Variants in MROH1 observed in about 807,000 individuals in gnomAD.
MROH1 encodes the protein maestro heat like repeat family member 1, also known as maestro heat-like repeat-containing protein family member 1.
A neutral mutation model predicts 116.5 loss-of-function variants in MROH1; 117 were observed. That is an observed-to-expected ratio of 1.00 (90% CI 0.86 to 1.17). The LOEUF is 1.17. MROH1 is among the 50% of genes most tolerant of loss of function. The pLI is 0.00. For missense variants in MROH1, 1,873 were observed against 1,338.5 expected, an observed-to-expected ratio of 1.40 and a Z score of -6.23; for synonymous variants, 921 against 583.9, an observed-to-expected ratio of 1.58 and a Z score of -8.32.
chr8:144,209,287 C>T (rs781719643), intron 12 of MROH1, among the ~76,000 whole-genome samples: 7 of 152,000 alleles, frequency 4.6e-5, no homozygotes, highest in Middle Eastern at 3.4e-3. Flanking sequence ...ATTGAAAAAT[C>T]GTTAGTATAG....
chr8:144,255,135 C>T (rs1052604250), intron 34 of MROH1, among the ~76,000 whole-genome samples, 157 bp downstream of exon 34: 21 of 152,234 alleles, frequency 1.4e-4, no homozygotes, highest in Non-Finnish European at 2.8e-4. Flanking sequence ...CTCGTAAAGG[C>T]CTCACAGGTG....
intron 32 of MROH1, among the ~76,000 whole-genome samples, chr8:144,249,818 G>A (rs1400721506): frequency 6.6e-6 from 1 of 152,216 alleles, no homozygotes; most frequent in Non-Finnish European, 1.5e-5. Flanking sequence ...AGTGCCGTTG[G>A]CAGCTGTGTG....
intron 30 of MROH1, 47 bp from the exon 31 acceptor site, chr8:144,247,520 C>T (rs996128789): frequency 4.3e-5 from 33 of 759,454 alleles, no homozygotes; most frequent in Non-Finnish European, 7.1e-5. Flanking sequence ...GCTGTGGGAT[C>T]GCCAGGGAGG....
intron 28 of MROH1, among the ~76,000 whole-genome samples, chr8:144,244,795 G>A (rs1841605863): frequency 6.6e-6 from 1 of 152,204 alleles, no homozygotes; most frequent in African/African-American, 2.4e-5. Flanking sequence ...AGGGGCCCAC[G>A]GGTACCCATG....
chr8:144,241,546 G>T, intron 22 of MROH1, 29 bp downstream of exon 22: 1 of 777,538 alleles, frequency 1.3e-6, no homozygotes, highest in Non-Finnish European at 2.4e-6. Context: ...CAGGGCTGGG[G>T]ACGGCTGTCT....
chr8:144,225,793 CA>C (rs1405492403), intron 14 of MROH1, among the ~76,000 whole-genome samples: 1 of 150,124 alleles, frequency 6.7e-6, no homozygotes, highest in East Asian at 2.0e-4. Context: ...CTCCTGACCT[CA>C]GGTGATCTGC....
chr8:144,250,446 C>T, intron 33 of MROH1, 80 bp downstream of exon 33: 1 of 704,986 alleles, frequency 1.4e-6, no homozygotes, highest in South Asian at 1.5e-5. Context: ...AGCCCTCCAC[C>T]CGGCTCTGCA....
chr8:144,192,410 C>T lies in MROH1; in HGVS notation c.948+9C>T, dbSNP rs117639997. ...CTGCACTGCACTCCCAGGTAGGAGG[C>T]GGGCGTCAGGGGGCGGGTCCAGGTT... is the stretch of plus-strand genomic sequence containing the variant. On this transcript the variant is annotated intron_variant, in intron 10 of 43. Transcript: ENST00000326134. 5.6e-4 allele frequency: 886 copies of T among 1,577,950 alleles called. 12 individuals carry two copies. In the East Asian group the frequency reaches 0.017, roughly 30 times the overall value.
intron 14 of MROH1, among the ~76,000 whole-genome samples, chr8:144,236,059 T>G (rs1839985142): frequency 6.6e-6 from 1 of 152,232 alleles, no homozygotes; most frequent in Admixed American, 6.5e-5. Flanking sequence ...TTTAGCTGCT[T>G]TCTGGTATAG....
chr8:144,159,079 C>A (rs1338685824), intron 1 of MROH1, among the ~76,000 whole-genome samples: 1 of 151,920 alleles, frequency 6.6e-6, no homozygotes, highest in South Asian at 2.1e-4. Context: ...GACAGAGGGC[C>A]GGGCACAGTG....
At chr8:144,159,633 A>G (rs1819001818) in intron 1 of MROH1, among the ~76,000 whole-genome samples, 2 of 152,210 alleles carry the variant, frequency 1.3e-5, no homozygotes, top group South Asian at 4.1e-4. Context: ...TTTCTCAAAC[A>G]TATGAAATAG....
chr8:144,244,288 C>T lies in MROH1; in HGVS notation c.2622C>T (p.Ile874=), dbSNP rs1022021900. 22,498 of 719,428 alleles carry T rather than the reference C, an allele frequency of 0.031. 617 individuals are homozygous for T. The highest frequency in any genetic ancestry group is 0.076 in the Admixed American group (3,787 of 50,094). 44.6% of individuals were successfully genotyped at this position (719,428 alleles called of 1,614,324 possible). The part of the protein sequence containing the change: ...ADVIHGCLHS[I]MALLPEPKEE... ...TGATCCATGGCTGCCTGCACAGCAT[C>T]ATGGCCCTGCTGCCTGAGCCCAAGG... The change falls in exon 27 of 44, where the codon ATC becomes ATT. Residue 874 remains isoleucine (I), a synonymous_variant. Coordinates refer to ENST00000326134, the MANE Select transcript of MROH1 (RefSeq NM_032450.3).
At chr8:144,259,523 A>C (rs1327648733) in intron 37 of MROH1, among the ~76,000 whole-genome samples, 169 bp downstream of exon 37, 5 of 152,110 alleles carry the variant, frequency 3.3e-5, no homozygotes, top group Non-Finnish European at 1.5e-5. Flanking sequence ...ACTCAGTCCC[A>C]CCCAGGGACA....
chr8:144,232,279 G>A lies in MROH1; in HGVS notation c.1339-6477G>A, dbSNP rs551327188. Among the ~76,000 whole-genome samples the A allele has an allele frequency of 1.0e-3, 155 of 152,152 alleles. 4 individuals carry two copies. In the South Asian group the frequency reaches 0.019, roughly 19 times the overall value. ...AGAGGCACTGTTTTTGCTCCCACCTGTAATAGGTTTTCATTGATGCCCTTT... is the reference window on the plus strand; with the variant it reads ...AGAGGCACTGTTTTTGCTCCCACCTATAATAGGTTTTCATTGATGCCCTTT... On this transcript the variant is annotated intron_variant, in intron 14 of 43. Transcript: ENST00000326134.
chr8:144,150,802 A>G (rs1308717763), intron 1 of MROH1, among the ~76,000 whole-genome samples: 2 of 152,314 alleles, frequency 1.3e-5, no homozygotes, highest in East Asian at 3.9e-4. Flanking sequence ...GAATAGGGGA[A>G]GGGAAGTGCT....
Position 144,168,449 on chromosome 8 carries a change from G to A in MROH1, c.168+9G>A, listed in dbSNP as rs1564381013. The A allele has an allele frequency of 8.1e-6, 13 of 1,597,524 alleles. 1 individual carries two copies. In the South Asian group the frequency reaches 1.5e-4, roughly 18 times the overall value. ...TGCGGCAGCATGACAAGGTATGTGT[G>A]CTCCTTGGTGGGGATGATGTTGTCA... On this transcript the variant is annotated intron_variant, in intron 4 of 43. Transcript: ENST00000326134.
In MROH1 at chr8:144,237,734, CCT is replaced by C. The variant is rs1321211894; in HGVS notation, c.1339-1021_1339-1020del. ...ATTTCACGGTTATACTTTTTCACAC[CCT>C]GTCGCTGGGATTTTCCTTGTTCTTG... On this transcript the variant is annotated intron_variant, in intron 14 of 43. Transcript: ENST00000326134. 3.2e-4 allele frequency among the ~76,000 whole-genome samples: 48 copies of C among 152,142 alleles called. 1 individual carries two copies. In the South Asian group the frequency reaches 9.5e-3, roughly 30 times the overall value.
chr8:144,200,097 AAG>A (rs1305263991), intron 11 of MROH1, among the ~76,000 whole-genome samples: 1 of 152,156 alleles, frequency 6.6e-6, no homozygotes, highest in Admixed American at 6.5e-5. Context: ...GCCTAGAGCC[AAG>A]AGAGTCAAGA....
At chr8:144,239,241 A>G in intron 16 of MROH1, 62 bp downstream of exon 16, 2 of 194,006 alleles carry the variant, frequency 1.0e-5, no homozygotes, top group South Asian at 4.0e-5. Context: ...TCCTGCCCCC[A>G]CTTCCCCATC....
Sources: allele counts gnomAD v4.1 joint callset (sites outside exome capture counted in the v4.1 genomes callset), GRCh38; gene constraint gnomAD v4.1.1; transcripts MANE v1.5; gene names NCBI Gene and HGNC (gene_info 2026-07-23, HGNC 2026-07-21).